Variants in SNRPN observed in about 807,000 individuals in gnomAD.
SNRPN encodes small nuclear ribonucleoprotein-associated protein N.
SNRPN carries 7 observed loss-of-function variants against 25.2 expected under a neutral mutation model. The ratio of observed to expected loss-of-function variants is 0.28; its 90% CI spans 0.16 to 0.52. The LOEUF is 0.52. SNRPN is among the 20% of genes least tolerant of loss of function. The pLI, the probability that SNRPN is intolerant of heterozygous loss-of-function variation, is 0.96. For synonymous variants in SNRPN, 124 were observed against 110.6 expected (o/e 1.12, Z -0.76); for missense variants, 196 against 322.5 (o/e 0.61, Z 3.00).
chr15:24,837,710 T>C (rs1203057903), intron 2 of SNRPN, among the ~76,000 whole-genome samples: 1 of 150,956 alleles, frequency 6.6e-6, no homozygotes, highest in Non-Finnish European at 1.5e-5. Context: ...TAAAAGGATT[T>C]TGATGCAATA....
chr15:24,877,697 A>ACACACACACACACACACACAC (rs1566858064), intron 1 of SNRPN, among the ~76,000 whole-genome samples: 2 of 113,838 alleles, frequency 1.8e-5, no homozygotes, highest in Admixed American at 8.3e-5. Context: ...CACACACACA[A>ACACACACACACACACACACAC]ACACACTAGC....
intron 1 of SNRPN, among the ~76,000 whole-genome samples, chr15:24,861,407 G>T (rs72693656): frequency 0.16 from 24,695 of 152,030 alleles, 2,270 homozygotes; most frequent in East Asian, 0.45. Context: ...AACATAAAAA[G>T]ATGGTATAAA....
At chr15:24,966,390 A>G (rs937705892) in intron 2 of SNRPN, among the ~76,000 whole-genome samples, 4 of 152,170 alleles carry the variant, frequency 2.6e-5, no homozygotes, top group African/African-American at 9.7e-5. Flanking sequence ...ACATTAGCGT[A>G]TATCACCAAT....
chr15:24,976,448 A>C, intron 6 of SNRPN, 32 bp downstream of exon 6: 1 of 1,374,508 alleles, frequency 7.3e-7, no homozygotes, highest in African/African-American at 1.4e-5. Flanking sequence ...ACAGAACTTT[A>C]ATTTGCAGGG....
At chr15:24,956,413 T>C (rs996201271) in intron 1 of SNRPN, among the ~76,000 whole-genome samples, 5 of 150,484 alleles carry the variant, frequency 3.3e-5, no homozygotes, top group Admixed American at 6.7e-5. Context: ...AGGTGGTGTG[T>C]GTTCAGCTTC....
At chr15:24,909,172 A>AT in intron 2 of SNRPN, 1 of 1,429,752 alleles carries the variant, frequency 7.0e-7, no homozygotes, top group Non-Finnish European at 9.8e-7. Context: ...TCTTGTAAGC[A>AT]TTTTCATCTT....
chr15:24,881,712 C>T (rs2056704054), intron 1 of SNRPN, among the ~76,000 whole-genome samples: 2 of 151,676 alleles, frequency 1.3e-5, no homozygotes, highest in South Asian at 2.1e-4. Context: ...ATCGAAGAAC[C>T]GTGGAAATAT....
chr15:24,975,044 G>A (rs2076909407), intron 4 of SNRPN: 2 of 697,016 alleles, frequency 2.9e-6, no homozygotes, highest in Admixed American at 4.1e-5. Flanking sequence ...TGGAGAGAGA[G>A]AACACCCTAC....
chr15:24,891,586 C>CG (rs2057683241), intron 2 of SNRPN, among the ~76,000 whole-genome samples: 1 of 151,948 alleles, frequency 6.6e-6, no homozygotes. Context: ...TGTAGGCTCC[C>CG]GCCACCATGT....
At chr15:24,827,571 T>A (rs2141136823) in intron 1 of SNRPN, among the ~76,000 whole-genome samples, 1 of 143,084 alleles carries the variant, frequency 7.0e-6, no homozygotes, top group African/African-American at 2.6e-5. Flanking sequence ...TAAATTTATT[T>A]TAAAAACCTG....
At position 24,955,063 on chromosome 15, in the gene SNRPN, G is replaced by A; in HGVS notation, c.-391+1G>A. On this transcript the variant is annotated splice_donor_variant, in intron 1 of 9. Coordinates refer to ENST00000390687, the MANE Select transcript of SNRPN (RefSeq NM_003097.6). LOFTEE classifies it low-confidence loss of function (5UTR_SPLICE). Reference sequence around the variant, plus strand: ...TCAGTGACGCGATGGAGCGGGCAAGGTCAGCTGTGCCGGTGGCTTCTCTCA... The same window carrying A: ...TCAGTGACGCGATGGAGCGGGCAAGATCAGCTGTGCCGGTGGCTTCTCTCA... The A allele has an allele frequency of 6.2e-7, 1 of 1,613,528 alleles. No homozygotes were observed. The highest frequency in any genetic ancestry group is 8.5e-7 in the Non-Finnish European group (1 of 1,180,028).
chr15:24,937,602 T>C (rs1454039829), intron 3 of SNRPN, among the ~76,000 whole-genome samples: 1 of 152,246 alleles, frequency 6.6e-6, no homozygotes, highest in Admixed American at 6.5e-5. Context: ...TTTTTGATAA[T>C]GCTTTGCACT....
At chr15:24,890,758 C>T (rs917597184) in intron 2 of SNRPN, among the ~76,000 whole-genome samples, 29 of 152,160 alleles carry the variant, frequency 1.9e-4, no homozygotes, top group Non-Finnish European at 2.9e-5. Flanking sequence ...TGAAGACTCA[C>T]ATGTCATGTA....
At chr15:24,843,400 C>T (rs2051869270) in intron 2 of SNRPN, among the ~76,000 whole-genome samples, 1 of 152,138 alleles carries the variant, frequency 6.6e-6, no homozygotes, top group Non-Finnish European at 1.5e-5. Context: ...ATAATCCCAA[C>T]ACTTTGGGAG....
intron 1 of SNRPN, among the ~76,000 whole-genome samples, chr15:24,870,987 T>A (rs936667830): frequency 1.3e-5 from 2 of 151,820 alleles, no homozygotes; most frequent in African/African-American, 2.4e-5. Flanking sequence ...TTCCAGCAAT[T>A]ATCTTGCTTC....
chr15:24,881,771 A>T (rs2056709082), intron 1 of SNRPN, among the ~76,000 whole-genome samples: 1 of 152,228 alleles, frequency 6.6e-6, no homozygotes, highest in Admixed American at 6.5e-5. Context: ...TTCATGCAAT[A>T]TTCATGAGTT....
intron 2 of SNRPN, among the ~76,000 whole-genome samples, chr15:24,897,749 T>C (rs1397944744): frequency 1.3e-5 from 2 of 151,920 alleles, no homozygotes; most frequent in African/African-American, 2.4e-5. Flanking sequence ...TAAATGGGAG[T>C]TCCCCTGCAC....
rs551070914 is a variant in SNRPN at position 24,898,820 on chromosome 15, CAAGTT to C, written c.-505+12235_-505+12239del. On this transcript the variant is annotated intron_variant, in intron 2 of 11. Transcript: ENST00000400097. The stretch of plus-strand genomic sequence containing the variant: ...ACGGAGTCAAAGGAATGAGAAAAGA[CAAGTT>C]AAGAGAGAAACTGGGACCAGGGGCC... Among the ~76,000 whole-genome samples, 268 of 152,144 alleles carry C rather than the reference CAAGTT, an allele frequency of 1.8e-3. 2 individuals are homozygous for C. The highest frequency in any genetic ancestry group is 0.014 in the Middle Eastern group (4 of 294).
In SNRPN at chr15:24,825,675, T is replaced by G. The variant is rs144305811; in HGVS notation, c.-687+1825T>G. Among the ~76,000 whole-genome samples the G allele has an allele frequency of 1.1e-4, 16 of 152,180 alleles. No homozygotes were observed. In the East Asian group the frequency reaches 3.1e-3, roughly 29 times the overall value. On this transcript the variant is annotated intron_variant, in intron 1 of 12. Coordinates refer to the SNRPN transcript ENST00000400100. ...ACTTTAGTCTAGCCTGTCTTAAGAG[T>G]GCTCAGAACACTTATATTTGCCTAC... is the stretch of plus-strand genomic sequence containing the variant.
Sources: allele counts gnomAD v4.1 joint callset (sites outside exome capture counted in the v4.1 genomes callset), GRCh38; gene constraint gnomAD v4.1.1; transcripts MANE v1.5; gene names NCBI Gene and HGNC (gene_info 2026-07-23, HGNC 2026-07-21).